The following ALK variants were observed in gnomAD, a reference collection of about 807,000 sequenced individuals.
The protein encoded by ALK is ALK tyrosine kinase receptor.
ALK carries 74 observed loss-of-function variants against 163.1 expected under a neutral mutation model. The observed-to-expected ratio is 0.45, with a 90% CI of 0.38 to 0.55. The LOEUF is 0.55. Among genes scored for constraint, ALK ranks in the 20% least tolerant of loss-of-function variants. ALK has a pLI of 0.00. For missense variants in ALK, 2,063 were observed against 2,105.3 expected (o/e 0.98, Z 0.39); for synonymous variants, 960 against 843.2 (o/e 1.14, Z -2.40).
chr2:29,837,011 A>G (rs570856662), intron 1 of ALK, among the ~76,000 whole-genome samples: 1 of 152,346 alleles, frequency 6.6e-6, no homozygotes, highest in East Asian at 1.9e-4. Flanking sequence ...GCAGTAAAGG[A>G]CTGTAATCCC....
chr2:29,198,961 C>CTTT (rs145929777), intron 26 of ALK, among the ~76,000 whole-genome samples: 2 of 144,910 alleles, frequency 1.4e-5, no homozygotes, highest in South Asian at 2.2e-4. Context: ...TAGTTGTTTT[C>CTTT]TTTTTTTTTT....
chr2:29,819,937 T>C (rs1359256334), intron 1 of ALK, among the ~76,000 whole-genome samples: 2 of 152,214 alleles, frequency 1.3e-5, no homozygotes, highest in African/African-American at 4.8e-5. Flanking sequence ...GCAATTCCCA[T>C]ATTCATTTGG....
chr2:29,823,341 G>C (rs1665102689), intron 1 of ALK, among the ~76,000 whole-genome samples: 1 of 152,188 alleles, frequency 6.6e-6, no homozygotes, highest in Non-Finnish European at 1.5e-5. Context: ...ATTGGTACCA[G>C]TAGAGTGGGG....
chr2:29,221,300 G>A (rs1319546962), intron 22 of ALK: 15 of 493,650 alleles, frequency 3.0e-5, no homozygotes, highest in South Asian at 1.5e-4. Context: ...ATGGCCTCAC[G>A]AGTCTATCAG....
At chr2:29,274,728 C>A (rs937354760) in intron 11 of ALK, among the ~76,000 whole-genome samples, 1 of 152,218 alleles carries the variant, frequency 6.6e-6, no homozygotes, top group African/African-American at 2.4e-5. Context: ...CTTGGCCAGG[C>A]CCAGCCCTCT....
intron 3 of ALK, among the ~76,000 whole-genome samples, chr2:29,642,236 C>A (rs2148246502): frequency 6.6e-6 from 1 of 152,292 alleles, no homozygotes; most frequent in East Asian, 1.9e-4. Context: ...GTCTAGGACT[C>A]TACCTTTCAA....
chr2:29,344,421 C>G (rs1317989835), intron 5 of ALK, among the ~76,000 whole-genome samples: 1 of 152,170 alleles, frequency 6.6e-6, no homozygotes, highest in Non-Finnish European at 1.5e-5. Context: ...ATGGATACAT[C>G]TGGCCTTGGA....
chr2:29,901,550 C>A lies in ALK; in HGVS notation c.667+18443G>T, dbSNP rs974158465. ...CCAGCTTCAAGCCCACCCACCAGGT[C>A]TGAAAACCCTACTTTATCTGATTGC... On this transcript the variant is annotated intron_variant, in intron 1 of 28. Coordinates refer to ENST00000389048, the MANE Select transcript of ALK (RefSeq NM_004304.5). Among the ~76,000 whole-genome samples the A allele has an allele frequency of 4.6e-5, 7 of 152,350 alleles. No individual in the cohort carries two copies. In the South Asian group the frequency reaches 8.3e-4, roughly 18 times the overall value.
At chr2:29,407,814 T>C (rs559250403) in intron 4 of ALK, among the ~76,000 whole-genome samples, 1 of 152,216 alleles carries the variant, frequency 6.6e-6, no homozygotes, top group Non-Finnish European at 1.5e-5. Flanking sequence ...ATGTGTCATG[T>C]CATGATGGCC....
At position 29,756,587 on chromosome 2, in the gene ALK, C is replaced by T. The variant is rs142311033; in HGVS notation, c.668-38890G>A. Among the ~76,000 whole-genome samples the T allele has an allele frequency of 3.5e-3, 515 of 147,804 alleles. 2 individuals carry two copies. The highest frequency in any genetic ancestry group is 0.012 in the African/African-American group (493 of 39,792). On this transcript the variant is annotated intron_variant, in intron 1 of 28. Coordinates refer to ENST00000389048, the MANE Select transcript of ALK (RefSeq NM_004304.5). ...TCACTCTGTTGCCCAGGCTGGCATG[C>T]AGTGGCACGATCTCGGCTCACTGCA... is the stretch of plus-strand genomic sequence containing the variant.
intron 1 of ALK, among the ~76,000 whole-genome samples, chr2:29,857,408 A>G (rs2148404568): frequency 6.6e-6 from 1 of 152,288 alleles, no homozygotes; most frequent in Non-Finnish European, 1.5e-5. Flanking sequence ...GGAAAGAAAA[A>G]AAAGGGAAAA....
At chr2:29,231,836 G>A (rs114847117) in intron 15 of ALK, among the ~76,000 whole-genome samples, 2,075 of 152,234 alleles carry the variant, frequency 0.014, 50 homozygotes, top group African/African-American at 0.047. Flanking sequence ...AGGGAGGAGA[G>A]CTCAGCCGTG....
At chr2:29,818,432 G>C (rs2148376645) in intron 1 of ALK, among the ~76,000 whole-genome samples, 1 of 152,356 alleles carries the variant, frequency 6.6e-6, no homozygotes, top group Non-Finnish European at 1.5e-5. Flanking sequence ...AAAACAAAAA[G>C]TGTTATGCAA....
At chr2:29,516,126 T>A (rs1281192320) in intron 4 of ALK, among the ~76,000 whole-genome samples, 1 of 152,176 alleles carries the variant, frequency 6.6e-6, no homozygotes, top group South Asian at 2.1e-4. Flanking sequence ...GTCACCCTCA[T>A]CTTGCCTCAG....
At chr2:29,236,281 C>T (rs893932840) in intron 13 of ALK, among the ~76,000 whole-genome samples, 6 of 152,076 alleles carry the variant, frequency 3.9e-5, no homozygotes, top group Admixed American at 2.0e-4. Flanking sequence ...AGGTCCACCC[C>T]GTCGGCCTCT....
chr2:29,697,925 C>G (rs976299263), intron 2 of ALK, among the ~76,000 whole-genome samples: 1 of 152,192 alleles, frequency 6.6e-6, no homozygotes, highest in African/African-American at 2.4e-5. Context: ...ACAGCTGGCC[C>G]TGCTGCAGAG....
intron 3 of ALK, among the ~76,000 whole-genome samples, chr2:29,591,001 G>A (rs948285211): frequency 1.4e-5 from 2 of 148,102 alleles, no homozygotes; most frequent in African/African-American, 5.0e-5. Flanking sequence ...AACCTGGGAG[G>A]CGGAGCTTGC....
chr2:29,337,499 G>A (rs909866851), intron 5 of ALK, among the ~76,000 whole-genome samples: 1 of 152,144 alleles, frequency 6.6e-6, no homozygotes. Context: ...CATTAATGGT[G>A]TGTCCACACA....
At chr2:29,864,215 C>T (rs753748526) in intron 1 of ALK, among the ~76,000 whole-genome samples, 1 of 152,152 alleles carries the variant, frequency 6.6e-6, no homozygotes, top group Non-Finnish European at 1.5e-5. Context: ...ACACATACCC[C>T]TCCCTTTACT....
Sources: allele counts gnomAD v4.1 joint callset (sites outside exome capture counted in the v4.1 genomes callset), GRCh38; gene constraint gnomAD v4.1.1; transcripts MANE v1.5; gene names NCBI Gene and HGNC (gene_info 2026-07-23, HGNC 2026-07-21).